RTL4: variants seen among roughly 807,000 people sequenced by gnomAD.
RTL4 encodes retrotransposon Gag like 4, also known as retrotransposon Gag-like protein 4.
RTL4 carries 4 observed loss-of-function variants against 5.3 expected under a neutral mutation model. That is an observed-to-expected ratio of 0.75 (90% CI 0.37 to 1.72). The LOEUF is 1.72. RTL4 is among the 40% of genes most tolerant of loss of function. The probability of loss-of-function intolerance (pLI) is 0.04; values close to 1 mark genes in which losing one functional copy is unlikely to be tolerated. For synonymous variants in RTL4, 98 were observed against 87.3 expected (o/e 1.12, Z -0.68); for missense variants, 260 against 227.1 (o/e 1.14, Z -0.93).
the RTL4 span, among the ~76,000 whole-genome samples, chrX:112,157,668 C>A: frequency 8.9e-6 from 1 of 111,999 alleles, no homozygotes; most frequent in Admixed American, 9.5e-5. Flanking sequence ...AGACATCTGG[C>A]AACATTTTTA....
chrX:112,177,857 C>A, the RTL4 span, among the ~76,000 whole-genome samples: 1 of 110,322 alleles, frequency 9.1e-6, no homozygotes, highest in South Asian at 3.9e-4. Flanking sequence ...CTTTATGGGC[C>A]ACACAGTCTC....
At chrX:112,368,795 A>T in the RTL4 span, among the ~76,000 whole-genome samples, 1 of 112,061 alleles carries the variant, frequency 8.9e-6, no homozygotes, top group Non-Finnish European at 1.9e-5. Flanking sequence ...ATATTTTGAC[A>T]CTTTAGGGGA....
chrX:112,303,088 C>A, the RTL4 span, among the ~76,000 whole-genome samples: 18 of 111,527 alleles, frequency 1.6e-4, no homozygotes, highest in Non-Finnish European at 3.0e-4. Context: ...CCAGTGTTTG[C>A]TTCTTTCAAG....
the RTL4 span, among the ~76,000 whole-genome samples, chrX:112,377,712 AC>A: frequency 8.9e-6 from 1 of 112,007 alleles, no homozygotes; most frequent in Non-Finnish European, 1.9e-5. Context: ...CTGGAGCAGG[AC>A]CAGGCTACCA....
the RTL4 span, among the ~76,000 whole-genome samples, chrX:112,243,236 T>C: frequency 1.8e-5 from 2 of 111,885 alleles, no homozygotes; most frequent in African/African-American, 6.5e-5. Flanking sequence ...GGATTCCCTC[T>C]TTTTCTATTG....
the RTL4 span, among the ~76,000 whole-genome samples, chrX:112,337,594 T>A: frequency 8.9e-6 from 1 of 112,160 alleles, no homozygotes; most frequent in African/African-American, 3.2e-5. Flanking sequence ...AAAATATTTT[T>A]TTTTTCCAGA....
the RTL4 span, among the ~76,000 whole-genome samples, chrX:112,326,567 C>T: frequency 8.9e-5 from 10 of 111,776 alleles, no homozygotes; most frequent in East Asian, 2.5e-3. Flanking sequence ...AAGGTGGCAG[C>T]GAGGCTGGGG....
the RTL4 span, among the ~76,000 whole-genome samples, chrX:112,095,466 G>T: frequency 1.8e-5 from 2 of 111,863 alleles, no homozygotes; most frequent in Non-Finnish European, 3.8e-5. Context: ...ATTTATCCAG[G>T]GTTTTACCAA....
At chrX:112,378,054 C>T in the RTL4 span, among the ~76,000 whole-genome samples, 12 of 111,235 alleles carry the variant, frequency 1.1e-4, no homozygotes, top group South Asian at 3.8e-3. Context: ...AATGCAGATG[C>T]GGTACATCTG....
chrX:112,295,630 G>A, the RTL4 span, among the ~76,000 whole-genome samples: 3 of 112,336 alleles, frequency 2.7e-5, no homozygotes, highest in Admixed American at 2.8e-4. Context: ...AAGCCTCAGA[G>A]ATAAATTCAG....
At chrX:112,424,760 T>C in the RTL4 span, among the ~76,000 whole-genome samples, 1 of 111,107 alleles carries the variant, frequency 9.0e-6, no homozygotes, top group African/African-American at 3.3e-5. Flanking sequence ...TTTTTTTACA[T>C]TAATATATTT....
the RTL4 span, among the ~76,000 whole-genome samples, chrX:112,272,573 A>G: frequency 2.7e-5 from 3 of 111,853 alleles, no homozygotes; most frequent in African/African-American, 9.8e-5. Flanking sequence ...GTCAGTCTGA[A>G]CATATTCACT....
chrX:112,323,487 T>A, the RTL4 span, among the ~76,000 whole-genome samples: 2 of 110,551 alleles, frequency 1.8e-5, no homozygotes, highest in Non-Finnish European at 3.8e-5. Context: ...ATTTTATTTA[T>A]TTTATATTTT....
chrX:112,190,573 T>G, the RTL4 span, among the ~76,000 whole-genome samples: 1 of 112,190 alleles, frequency 8.9e-6, no homozygotes, highest in African/African-American at 3.2e-5. Flanking sequence ...TGGAGATTCA[T>G]TCTTATAGTA....
the RTL4 span, among the ~76,000 whole-genome samples, chrX:112,161,836 C>CTTTCTTTCTTTCTTTCTTTCTTT: frequency 2.0e-4 from 7 of 35,221 alleles, no homozygotes; most frequent in South Asian, 2.1e-3. Flanking sequence ...TTCCTTCCTT[C>CTTTCTTTCTTTCTTTCTTTCTTT]CTTCCTTCCT....
the RTL4 span, among the ~76,000 whole-genome samples, chrX:112,157,954 C>T: frequency 9.0e-5 from 10 of 111,687 alleles, no homozygotes; most frequent in Non-Finnish European, 1.9e-4. Flanking sequence ...TTAGCCTGTT[C>T]GCTCTGGATC....
chrX:112,176,897 G>C, the RTL4 span, among the ~76,000 whole-genome samples: 1 of 110,674 alleles, frequency 9.0e-6, no homozygotes, highest in Non-Finnish European at 1.9e-5. Flanking sequence ...CACTTTTTTA[G>C]CTCCCATATA....
chrX:112,378,758 C>T, the RTL4 span, among the ~76,000 whole-genome samples: 8 of 111,898 alleles, frequency 7.1e-5, no homozygotes, highest in East Asian at 2.8e-4. Context: ...AGGCTATGCA[C>T]GGTCCAAATA....
At chrX:112,402,397 TTATTGTGTGTG>T in the RTL4 span, among the ~76,000 whole-genome samples, 1 of 85,415 alleles carries the variant, frequency 1.2e-5, no homozygotes. Flanking sequence ...TGCGGAATTA[TTATTGTGTGTG>T]TGTGTGTGTG....
Sources: gnomAD v4.1 joint callset for allele counts (sites outside exome capture counted in the v4.1 genomes callset) on GRCh38, gnomAD v4.1.1 for gene constraint, MANE v1.5 for transcripts, NCBI Gene and HGNC (gene_info 2026-07-23, HGNC 2026-07-21) for gene names.